POU6F2: variants seen among roughly 807,000 people sequenced by gnomAD.
POU6F2 encodes the protein POU class 6 homeobox 2, also known as POU domain, class 6, transcription factor 2.
A neutral mutation model predicts 71.3 loss-of-function variants in POU6F2; 31 were observed. The observed-to-expected ratio is 0.43, with a 90% CI of 0.33 to 0.59. POU6F2 has a LOEUF of 0.59. POU6F2 is among the 20% of genes least tolerant of loss of function. The probability of loss-of-function intolerance (pLI) is 0.04; values close to 1 mark genes in which losing one functional copy is unlikely to be tolerated. For missense variants in POU6F2, 783 were observed against 856.8 expected (o/e 0.91, Z 1.07); for synonymous variants, 347 against 355.7 (o/e 0.98, Z 0.27).
At chr7:39,106,273 C>A (rs1791685023) in intron 2 of POU6F2, among the ~76,000 whole-genome samples, 1 of 152,134 alleles carries the variant, frequency 6.6e-6, no homozygotes, top group South Asian at 2.1e-4. Flanking sequence ...AGAGTTGATA[C>A]CATTATGACC....
chr7:39,027,869 C>G (rs1406353107), intron 1 of POU6F2, among the ~76,000 whole-genome samples: 1 of 152,120 alleles, frequency 6.6e-6, no homozygotes, highest in Non-Finnish European at 1.5e-5. Context: ...CCATGACATT[C>G]TTTTCTACCT....
At chr7:39,306,684 A>G (rs918649705) in intron 4 of POU6F2, among the ~76,000 whole-genome samples, 7 of 152,186 alleles carry the variant, frequency 4.6e-5, no homozygotes, top group African/African-American at 1.4e-4. Flanking sequence ...AATTCAGAAA[A>G]AGTGGCCAGG....
At position 39,465,993 on chromosome 7, in the gene POU6F2, T is replaced by C. The variant is rs1248940241; in HGVS notation, c.*1307T>C. 6.6e-6 allele frequency: 1 copy of C among 152,188 alleles called. No individual in the cohort carries two copies. Among genetic ancestry groups the C allele is most frequent in the Admixed American group, 6.5e-5 (1 of 15,276 alleles). 9.4% of individuals were successfully genotyped at this position (152,188 alleles called of 1,614,324 possible). A position where few individuals can be genotyped will look rare whatever the true frequency, so the allele number is the denominator to read the frequency against. ...ACAAAGAAACAGGCTAAAAAGAAAG[T>C]GATAGCAACTGGATCATTAAAGGCC... On this transcript the variant is annotated 3_prime_UTR_variant, in exon 10 of 10. Transcript: ENST00000518318.
intron 4 of POU6F2, among the ~76,000 whole-genome samples, chr7:39,275,938 C>T (rs994642983): frequency 6.6e-6 from 1 of 151,796 alleles, no homozygotes; most frequent in African/African-American, 2.4e-5. Flanking sequence ...AGACCTAAAA[C>T]CATAAAAACC....
At chr7:39,402,043 G>A (rs971770327) in intron 5 of POU6F2, among the ~76,000 whole-genome samples, 1 of 152,118 alleles carries the variant, frequency 6.6e-6, no homozygotes, top group African/African-American at 2.4e-5. Context: ...CATATAATCA[G>A]CCCATTTGCA....
At chr7:39,026,605 TG>T (rs1388292042) in intron 1 of POU6F2, among the ~76,000 whole-genome samples, 1 of 151,122 alleles carries the variant, frequency 6.6e-6, no homozygotes, top group Admixed American at 6.6e-5. Context: ...TGTTGTGGGG[TG>T]GGAGGAGTGG....
At chr7:39,393,459 G>A (rs1359536825) in intron 5 of POU6F2, among the ~76,000 whole-genome samples, 6 of 152,200 alleles carry the variant, frequency 3.9e-5, no homozygotes, top group African/African-American at 1.2e-4. Flanking sequence ...CTTCATGGAT[G>A]TGAACCCAGG....
Position 39,054,268 on chromosome 7 carries a change from C to T in POU6F2, c.106-31592C>T, listed in dbSNP as rs148338179. 2.2e-4 allele frequency among the ~76,000 whole-genome samples: 34 copies of T among 151,740 alleles called. No homozygotes were observed. In the East Asian group the frequency reaches 6.0e-3, roughly 27 times the overall value. ...TTTGAGAATAATAATTATTATTATCCTATTAATTAGTATGATCCAGTTCTT... is the reference window on the plus strand; with the variant it reads ...TTTGAGAATAATAATTATTATTATCTTATTAATTAGTATGATCCAGTTCTT... On this transcript the variant is annotated intron_variant, in intron 1 of 9. Transcript: ENST00000518318.
intron 5 of POU6F2, among the ~76,000 whole-genome samples, chr7:39,364,501 G>A (rs1241695847): frequency 1.3e-5 from 2 of 152,066 alleles, no homozygotes; most frequent in African/African-American, 4.8e-5. Context: ...CCACTTATGA[G>A]CGAGAACATA....
At chr7:39,289,688 T>G (rs1784715189) in intron 4 of POU6F2, among the ~76,000 whole-genome samples, 1 of 152,238 alleles carries the variant, frequency 6.6e-6, no homozygotes, top group African/African-American at 2.4e-5. Context: ...TTAACAGTTT[T>G]CTCCAATAAT....
intron 4 of POU6F2, among the ~76,000 whole-genome samples, chr7:39,245,590 G>C (rs1025292374): frequency 3.3e-5 from 5 of 152,130 alleles, no homozygotes; most frequent in African/African-American, 1.2e-4. Context: ...CATTCAGTTT[G>C]TTGGAAAGAC....
At chr7:39,083,697 T>G (rs1791174946) in intron 1 of POU6F2, 1 of 152,108 alleles carries the variant, frequency 6.6e-6, no homozygotes, top group Admixed American at 6.6e-5. Flanking sequence ...CACTAGCAAA[T>G]TCAAGCTGAC....
intron 2 of POU6F2, among the ~76,000 whole-genome samples, chr7:39,128,674 A>G (rs993849433): frequency 7.9e-5 from 12 of 152,208 alleles, no homozygotes; most frequent in Admixed American, 5.9e-4. Context: ...TTTTATTCTT[A>G]TTCAATGTGT....
intron 1 of POU6F2, among the ~76,000 whole-genome samples, chr7:39,077,770 T>A (rs1235260234): frequency 6.6e-6 from 1 of 152,224 alleles, no homozygotes; most frequent in Non-Finnish European, 1.5e-5. Context: ...TTCAAGATGA[T>A]TCTGGACATT....
At chr7:39,041,731 A>C (rs566818234) in intron 1 of POU6F2, among the ~76,000 whole-genome samples, 1 of 151,840 alleles carries the variant, frequency 6.6e-6, no homozygotes, top group East Asian at 1.9e-4. Context: ...AAGAGATAAA[A>C]TTTTGCCTTA....
chr7:39,081,179 G>T (rs1791111745), intron 1 of POU6F2, among the ~76,000 whole-genome samples: 1 of 152,110 alleles, frequency 6.6e-6, no homozygotes. Flanking sequence ...ACATTAATTA[G>T]GTAAAAGTTG....
intron 2 of POU6F2, among the ~76,000 whole-genome samples, chr7:39,154,402 C>T (rs895684458): frequency 6.6e-6 from 1 of 152,162 alleles, no homozygotes; most frequent in Non-Finnish European, 1.5e-5. Context: ...AGCAAATATA[C>T]ATATAGCTCT....
At chr7:39,140,214 T>G (rs893059390) in intron 2 of POU6F2, among the ~76,000 whole-genome samples, 1 of 152,156 alleles carries the variant, frequency 6.6e-6, no homozygotes, top group East Asian at 1.9e-4. Flanking sequence ...GAATTAAAGT[T>G]TTTTTCAATT....
intron 2 of POU6F2, among the ~76,000 whole-genome samples, chr7:39,182,155 T>A (rs1479824796): frequency 6.6e-6 from 1 of 152,248 alleles, no homozygotes; most frequent in Non-Finnish European, 1.5e-5. Context: ...TGTCACATTT[T>A]AAATAATACG....
Sources: allele counts gnomAD v4.1 joint callset (sites outside exome capture counted in the v4.1 genomes callset), GRCh38; gene constraint gnomAD v4.1.1; transcripts MANE v1.5; gene names NCBI Gene and HGNC (gene_info 2026-07-23, HGNC 2026-07-21).